The following IFT122 variants were observed in gnomAD, a reference collection of about 807,000 sequenced individuals.
IFT122 encodes intraflagellar transport 122.
Under a neutral mutation model 161.6 loss-of-function variants are expected in IFT122, and 118 were observed. The observed-to-expected ratio is 0.73, with a 90% CI of 0.63 to 0.85. The LOEUF (loss-of-function observed/expected upper bound fraction) is 0.85, where lower values mean the gene tolerates loss of function less well. IFT122 is among the 40% of genes least tolerant of loss of function. The pLI, the probability that IFT122 is intolerant of heterozygous loss-of-function variation, is 0.00. For missense variants in IFT122, 1,381 were observed against 1,579.6 expected (o/e 0.87, Z 2.13); for synonymous variants, 550 against 602.4 (o/e 0.91, Z 1.27).
At chr3:129,487,953 G>A (rs9819604) in intron 15 of IFT122, 3 of 462,204 alleles carry the variant, frequency 6.5e-6, no homozygotes, top group East Asian at 7.8e-5. Flanking sequence ...AGAGTGGGGA[G>A]GGGCAAAGGC....
In IFT122 at chr3:129,478,110, G is replaced by T; in HGVS notation, c.1242G>T (p.Leu414Phe). 6.2e-7 allele frequency: 1 copy of T among 1,614,060 alleles called. No homozygotes were observed. Among genetic ancestry groups the T allele is most frequent in the Non-Finnish European group, 8.5e-7 (1 of 1,179,870 alleles). Residue 414 changes from leucine to phenylalanine, a missense_variant, in exon 12 of 30, where the codon TTG (leucine) becomes TTT (phenylalanine). Around this residue, in one of 7 missense-constraint regions of IFT122, gnomAD observed 544 missense variants for 648.0 expected, o/e 0.84. Coordinates refer to ENST00000348417, the MANE Select transcript of IFT122 (RefSeq NM_052989.3). Reference protein sequence around the residue: ...QLPEKILIYELYSEDLSDMHY... With the variant: ...QLPEKILIYEFYSEDLSDMHY... ...CAGAGAAAATCCTCATCTATGAGTT[G>T]TATTCAGAGGACTTATCAGACATGC...
At chr3:129,510,386 A>G (rs972998325) in intron 23 of IFT122, among the ~76,000 whole-genome samples, 2 of 152,134 alleles carry the variant, frequency 1.3e-5, no homozygotes, top group Non-Finnish European at 2.9e-5. Flanking sequence ...CTAGTGTTAC[A>G]TCTCTTCCCA....
chr3:129,483,921 T>G (rs765579421), intron 15 of IFT122: 19 of 580,776 alleles, frequency 3.3e-5, no homozygotes, highest in Non-Finnish European at 5.6e-5. Flanking sequence ...GTCCCCTTTC[T>G]GTAGGGATGG....
chr3:129,495,883 C>G (rs1286188891), intron 18 of IFT122, among the ~76,000 whole-genome samples: 2 of 152,222 alleles, frequency 1.3e-5, no homozygotes, highest in African/African-American at 4.8e-5. Flanking sequence ...TACACCAGCA[C>G]AATCCCTTCA....
intron 24 of IFT122, 162 bp downstream of exon 24, chr3:129,512,574 A>G (rs2082962681): frequency 1.5e-6 from 1 of 686,762 alleles, no homozygotes; most frequent in Non-Finnish European, 2.6e-6. Context: ...ATAGAGGCTC[A>G]GCAGGGAGGC....
At chr3:129,511,058 G>A (rs2082760606) in intron 23 of IFT122, among the ~76,000 whole-genome samples, 1 of 152,164 alleles carries the variant, frequency 6.6e-6, no homozygotes, top group Admixed American at 6.5e-5. Context: ...GCAAAGGCCT[G>A]GAGGTGAGTG....
intron 2 of IFT122, among the ~76,000 whole-genome samples, chr3:129,450,227 T>G (rs1228210449): frequency 6.6e-6 from 1 of 152,200 alleles, no homozygotes; most frequent in African/African-American, 2.4e-5. Flanking sequence ...GAAACTGGAC[T>G]GGTGTCAGTT....
At chr3:129,504,266 C>T in intron 20 of IFT122, 53 bp from the exon 21 acceptor site, 1 of 1,432,044 alleles carries the variant, frequency 7.0e-7, no homozygotes, top group South Asian at 1.1e-5. Context: ...ACAGTGTTTT[C>T]ATGGGGGCTG....
At chr3:129,456,108 A>G in intron 3 of IFT122, 1 of 502,890 alleles carries the variant, frequency 2.0e-6, no homozygotes, top group Non-Finnish European at 3.7e-6. Context: ...CCATTTTTCA[A>G]ATAAGGAAAT....
At chr3:129,445,800 A>G (rs541918093) in intron 1 of IFT122, among the ~76,000 whole-genome samples, 1 of 152,374 alleles carries the variant, frequency 6.6e-6, no homozygotes, top group East Asian at 1.9e-4. Flanking sequence ...TATTGTGGAG[A>G]TGAAATAAAA....
chr3:129,502,851 AGCTG>A lies in IFT122; in HGVS notation c.2517_2520del (p.Gln839HisfsTer33). On this transcript the variant is annotated frameshift_variant, in exon 20 of 30. Transcript: ENST00000348417. LOFTEE classifies it high-confidence loss of function. ...ATGGGTGACCTCAAGTCCCTGGTGC[AGCTG>A]CACGTGGAGACCCAGCGCTGGGATG... The A allele has an allele frequency of 6.2e-7, 1 of 1,612,228 alleles. No homozygotes were observed. The highest frequency in any genetic ancestry group is 8.5e-7 in the Non-Finnish European group (1 of 1,179,982).
chr3:129,446,903 A>G (rs573416154), intron 1 of IFT122, among the ~76,000 whole-genome samples: 185 of 152,164 alleles, frequency 1.2e-3, no homozygotes, highest in African/African-American at 4.3e-3. Context: ...TTTTGTTTTG[A>G]GTAACTTCAG....
chr3:129,513,746 G>A (rs952299018), intron 24 of IFT122: 2 of 189,226 alleles, frequency 1.1e-5, no homozygotes, highest in South Asian at 1.1e-4. Flanking sequence ...CACTGCAGAC[G>A]GCGGGAGCAG....
intron 16 of IFT122, among the ~76,000 whole-genome samples, chr3:129,489,721 C>T (rs1274754206): frequency 1.3e-5 from 2 of 151,984 alleles, no homozygotes; most frequent in Non-Finnish European, 2.9e-5. Flanking sequence ...CGCCTGTAGT[C>T]CCAGCTACTC....
intron 21 of IFT122, among the ~76,000 whole-genome samples, chr3:129,505,925 TG>T (rs1357565009): frequency 6.6e-6 from 1 of 152,184 alleles, no homozygotes; most frequent in Non-Finnish European, 1.5e-5. Context: ...CCCATTTCAT[TG>T]CTCATAAAAA....
intron 15 of IFT122, among the ~76,000 whole-genome samples, chr3:129,485,832 G>A (rs1043184641): frequency 6.6e-6 from 1 of 152,260 alleles, no homozygotes; most frequent in Non-Finnish European, 1.5e-5. Flanking sequence ...GGTCAGGACT[G>A]CCAAGGGTTA....
At chr3:129,471,832 G>A (rs894339923) in intron 9 of IFT122, among the ~76,000 whole-genome samples, 1 of 152,180 alleles carries the variant, frequency 6.6e-6, no homozygotes, top group Non-Finnish European at 1.5e-5. Flanking sequence ...TGAAGTGTTA[G>A]TAATACTTAA....
At chr3:129,469,156 C>T (rs2077105571) in intron 8 of IFT122, among the ~76,000 whole-genome samples, 186 bp from the exon 9 acceptor site, 1 of 152,220 alleles carries the variant, frequency 6.6e-6, no homozygotes, top group African/African-American at 2.4e-5. Flanking sequence ...TGAACCTCAA[C>T]TCTGCTTCAT....
Position 129,476,510 on chromosome 3 carries a change from A to G in IFT122, c.1008+4A>G. On this transcript the variant is annotated splice_donor_region_variant and intron_variant, in intron 10 of 29. Transcript: ENST00000348417. ...GAAACCGGATTCCAACTATGTGGTA[A>G]GAAGAGAAAGTTTGTTCTGTGGGGC... 1 of 1,614,128 alleles carries G rather than the reference A, an allele frequency of 6.2e-7. No individual in the cohort carries two copies. Among genetic ancestry groups the G allele is most frequent in the Non-Finnish European group, 8.5e-7 (1 of 1,180,030 alleles).
Sources: gnomAD v4.1 joint callset for allele counts (sites outside exome capture counted in the v4.1 genomes callset) on GRCh38, gnomAD v4.1.1 for gene constraint, gnomAD v4.1.1 regional missense constraint, MANE v1.5 for transcripts, NCBI Gene and HGNC (gene_info 2026-07-23, HGNC 2026-07-21) for gene names.